EXOC1L: variants seen among roughly 807,000 people sequenced by gnomAD.
The protein encoded by EXOC1L is exocyst complex component 1 like, also known as exocyst complex component 1-like.
A neutral mutation model predicts 4.9 loss-of-function variants in EXOC1L; 10 were observed. That is an observed-to-expected ratio of 2.02 (90% CI 1.25 to 3.43). EXOC1L has a LOEUF of 3.43. Among genes scored for constraint, EXOC1L ranks in the 30% most tolerant of loss-of-function variants. The probability of loss-of-function intolerance (pLI) is 0.00; values close to 1 mark genes in which losing one functional copy is unlikely to be tolerated. For synonymous variants in EXOC1L, 41 were observed against 20.8 expected (o/e 1.97, Z -2.63); for missense variants, 114 against 59.4 (o/e 1.92, Z -3.02).
intron 1 of EXOC1L, among the ~76,000 whole-genome samples, chr4:55,830,359 C>T (rs1719995769): frequency 6.6e-6 from 1 of 152,146 alleles, no homozygotes; most frequent in Admixed American, 6.5e-5. Context: ...CACCTGCCAC[C>T]TCTTTATAAT....
In EXOC1L at chr4:55,819,928, C is replaced by T. The variant is rs1358563796; in HGVS notation, c.-99C>T. On this transcript the variant is annotated 5_prime_UTR_variant, in exon 1 of 3. Transcript: ENST00000636125. ...GGAGGGCTGAGAGGTGGGCAGGACT[C>T]ACCAAGGAGCTGCAAACCCAAACGA... The T allele has an allele frequency of 1.0e-5, 4 of 394,536 alleles. No individual in the cohort carries two copies. The highest frequency in any genetic ancestry group is 1.3e-5 in the Non-Finnish European group (3 of 223,758). 24.4% of individuals were successfully genotyped at this position (394,536 alleles called of 1,614,324 possible). A position where few individuals can be genotyped will look rare whatever the true frequency, so the allele number is the denominator to read the frequency against.
intron 2 of EXOC1L, among the ~76,000 whole-genome samples, chr4:55,833,651 C>A (rs10022984): frequency 3.3e-5 from 5 of 151,656 alleles, no homozygotes; most frequent in African/African-American, 1.2e-4. Context: ...CAAATATTAC[C>A]GATGTTATCA....
At chr4:55,834,769 C>A (rs1166718805) in intron 2 of EXOC1L, among the ~76,000 whole-genome samples, 1 of 151,690 alleles carries the variant, frequency 6.6e-6, no homozygotes, top group Non-Finnish European at 1.5e-5. Context: ...CGCTTAAAAA[C>A]CACACCACCT....
At chr4:55,821,059 A>G (rs2110278857) in intron 1 of EXOC1L, among the ~76,000 whole-genome samples, 1 of 152,280 alleles carries the variant, frequency 6.6e-6, no homozygotes, top group South Asian at 2.1e-4. Flanking sequence ...TTTTCAGAAA[A>G]CAACTTCTTA....
intron 1 of EXOC1L, among the ~76,000 whole-genome samples, chr4:55,830,916 T>C (rs1187305579): frequency 6.6e-6 from 1 of 152,224 alleles, no homozygotes; most frequent in Non-Finnish European, 1.5e-5. Flanking sequence ...CAGTACTGTT[T>C]ACTTCCATGA....
chr4:55,830,310 A>T (rs1348039924), intron 1 of EXOC1L, among the ~76,000 whole-genome samples: 1 of 152,128 alleles, frequency 6.6e-6, no homozygotes, highest in Non-Finnish European at 1.5e-5. Flanking sequence ...TCTAAGTAAC[A>T]TTACTCATCT....
At chr4:55,836,721 A>C (rs1348166922) in intron 2 of EXOC1L, among the ~76,000 whole-genome samples, 1 of 151,932 alleles carries the variant, frequency 6.6e-6, no homozygotes, top group Non-Finnish European at 1.5e-5. Flanking sequence ...CTAAAAAGGG[A>C]GAGGAACCTT....
intron 1 of EXOC1L, among the ~76,000 whole-genome samples, chr4:55,827,824 T>C (rs1411155890): frequency 1.3e-5 from 2 of 152,198 alleles, no homozygotes; most frequent in Non-Finnish European, 2.9e-5. Flanking sequence ...TCCAAGATCT[T>C]GTCCTTAGTA....
At chr4:55,822,193 G>A (rs1397901504) in intron 1 of EXOC1L, among the ~76,000 whole-genome samples, 1 of 152,150 alleles carries the variant, frequency 6.6e-6, no homozygotes, top group African/African-American at 2.4e-5. Flanking sequence ...TTTAAATATG[G>A]TTAAGCTTTC....
Position 55,820,018 on chromosome 4 carries a change from C to G in EXOC1L, c.-9C>G. On this transcript the variant is annotated 5_prime_UTR_variant, in exon 1 of 3. Transcript: ENST00000636125. ...AGCCAAGACATCAGGCCAAGTGGAA[C>G]TGGAGGAAATGTCATCATTGGTAAA... is the stretch of plus-strand genomic sequence containing the variant. 5.0e-6 allele frequency: 2 copies of G among 398,952 alleles called. No homozygotes were observed. Among genetic ancestry groups the G allele is most frequent in the Admixed American group, 4.4e-5 (1 of 22,730 alleles). 24.7% of individuals were successfully genotyped at this position (398,952 alleles called of 1,614,324 possible).
At chr4:55,835,768 T>A (rs1411472562) in intron 2 of EXOC1L, among the ~76,000 whole-genome samples, 2 of 152,168 alleles carry the variant, frequency 1.3e-5, no homozygotes, top group Non-Finnish European at 2.9e-5. Flanking sequence ...CTTTCTTGGA[T>A]GTATACATTG....
At chr4:55,836,292 A>C in intron 2 of EXOC1L, among the ~76,000 whole-genome samples, 1 of 151,944 alleles carries the variant, frequency 6.6e-6, no homozygotes, top group East Asian at 1.9e-4. Flanking sequence ...AGTAGTCATC[A>C]CGCATAAGTA....
intron 2 of EXOC1L, among the ~76,000 whole-genome samples, chr4:55,833,973 G>A (rs1720097707): frequency 6.6e-6 from 1 of 151,760 alleles, no homozygotes. Flanking sequence ...ATTTTCTATA[G>A]ATGAAGTAAA....
intron 2 of EXOC1L, among the ~76,000 whole-genome samples, chr4:55,834,590 T>C (rs1212172220): frequency 1.3e-5 from 2 of 151,912 alleles, no homozygotes; most frequent in Non-Finnish European, 2.9e-5. Flanking sequence ...TTCTACCTGA[T>C]GAGGAGCAAA....
intron 1 of EXOC1L, among the ~76,000 whole-genome samples, chr4:55,830,554 A>C (rs149050267): frequency 6.6e-6 from 1 of 152,176 alleles, no homozygotes; most frequent in Admixed American, 6.5e-5. Flanking sequence ...TTTCAACTTA[A>C]GAGCTCTATG....
intron 1 of EXOC1L, among the ~76,000 whole-genome samples, chr4:55,826,426 A>G (rs562312367): frequency 3.5e-4 from 53 of 152,328 alleles, no homozygotes; most frequent in African/African-American, 1.3e-3. Context: ...CTATTTTACC[A>G]TGGTAATAGA....
rs978491766 is a variant in EXOC1L at position 55,824,932 on chromosome 4, T to A, written c.121+4785T>A. Among the ~76,000 whole-genome samples the A allele has an allele frequency of 8.5e-5, 13 of 152,248 alleles. No individual in the cohort carries two copies. In the East Asian group the frequency reaches 2.5e-3, roughly 29 times the overall value. On this transcript the variant is annotated intron_variant, in intron 1 of 2. Coordinates refer to ENST00000636125, the MANE Select transcript of EXOC1L (RefSeq NM_001351574.3). ...AGTGGCTAATCTATTACCTTGGAGA[T>A]CTAAATGTGGAAATCAAGATGATCT...
intron 1 of EXOC1L, among the ~76,000 whole-genome samples, chr4:55,831,055 C>T (rs750079723): frequency 2.0e-5 from 3 of 152,132 alleles, no homozygotes; most frequent in Non-Finnish European, 4.4e-5. Flanking sequence ...TACCACAATG[C>T]TCAGAGCTCA....
chr4:55,833,582 C>A (rs919689687), intron 2 of EXOC1L, among the ~76,000 whole-genome samples: 3 of 151,908 alleles, frequency 2.0e-5, no homozygotes, highest in African/African-American at 7.2e-5. Flanking sequence ...ACTAGCCCCA[C>A]AAATTAACTA....
Sources: gnomAD v4.1 joint callset for allele counts (sites outside exome capture counted in the v4.1 genomes callset) on GRCh38, gnomAD v4.1.1 for gene constraint, MANE v1.5 for transcripts, NCBI Gene and HGNC (gene_info 2026-07-23, HGNC 2026-07-21) for gene names.